The following CCDC178 variants were observed in gnomAD, a reference collection of about 807,000 sequenced individuals.
The protein encoded by CCDC178 is coiled-coil domain containing 178.
In CCDC178, 126 loss-of-function variants were observed where a neutral mutation model predicts 117.4. The ratio of observed to expected loss-of-function variants is 1.07; its 90% CI spans 0.93 to 1.24. The LOEUF is 1.24. CCDC178 is among the 50% of genes most tolerant of loss of function. The pLI, the probability that CCDC178 is intolerant of heterozygous loss-of-function variation, is 0.00. For synonymous variants in CCDC178, 283 were observed against 313.4 expected, an observed-to-expected ratio of 0.90 and a Z score of 1.02; for missense variants, 1,030 against 986.9, an observed-to-expected ratio of 1.04 and a Z score of -0.59.
intron 3 of CCDC178, among the ~76,000 whole-genome samples, chr18:33,399,124 C>T (rs1240223166): frequency 1.3e-5 from 2 of 152,022 alleles, no homozygotes; most frequent in South Asian, 2.1e-4. Flanking sequence ...TGCTTGAACC[C>T]GCAAGGCGGA....
intron 21 of CCDC178, among the ~76,000 whole-genome samples, chr18:32,988,609 A>G (rs892837929): frequency 1.4e-4 from 21 of 152,218 alleles, no homozygotes; most frequent in Non-Finnish European, 2.5e-4. Flanking sequence ...TTAAAAAAAT[A>G]TATAAAGAAC....
intron 20 of CCDC178, among the ~76,000 whole-genome samples, chr18:33,105,233 G>A (rs894239245): frequency 6.6e-6 from 1 of 151,594 alleles, no homozygotes; most frequent in African/African-American, 2.4e-5. Context: ...CACTAAGTCA[G>A]GCACAGTTAG....
chr18:33,120,159 A>G (rs1282348476), intron 20 of CCDC178, among the ~76,000 whole-genome samples: 1 of 151,958 alleles, frequency 6.6e-6, no homozygotes, highest in Non-Finnish European at 1.5e-5. Flanking sequence ...CGTTATGCAC[A>G]TGTACCCTAC....
intron 9 of CCDC178, among the ~76,000 whole-genome samples, chr18:33,341,550 A>C (rs993048326): frequency 6.6e-6 from 1 of 152,136 alleles, no homozygotes; most frequent in African/African-American, 2.4e-5. Context: ...GAATTCTGAC[A>C]TGTTGTGGGA....
chr18:33,155,846 A>G (rs2058387414), intron 20 of CCDC178, among the ~76,000 whole-genome samples: 1 of 152,094 alleles, frequency 6.6e-6, no homozygotes, highest in African/African-American at 2.4e-5. Context: ...AAAGTCCTAC[A>G]TTACTGGGGG....
At chr18:33,074,870 C>T (rs1029077611) in intron 21 of CCDC178, among the ~76,000 whole-genome samples, 1 of 152,060 alleles carries the variant, frequency 6.6e-6, no homozygotes, top group Non-Finnish European at 1.5e-5. Context: ...ATAAAGTGCT[C>T]CAGTAAACAT....
At chr18:33,182,556 G>A (rs1011733966) in intron 20 of CCDC178, among the ~76,000 whole-genome samples, 1 of 151,890 alleles carries the variant, frequency 6.6e-6, no homozygotes, top group Non-Finnish European at 1.5e-5. Flanking sequence ...GGTGCTGGGA[G>A]TTGAAATTTC....
intron 15 of CCDC178, among the ~76,000 whole-genome samples, chr18:33,230,928 T>C (rs1350362543): frequency 6.6e-6 from 1 of 152,216 alleles, no homozygotes; most frequent in Non-Finnish European, 1.5e-5. Flanking sequence ...CAATTCATTG[T>C]AAAGGGAACG....
At chr18:33,183,969 T>C (rs940287536) in intron 20 of CCDC178, among the ~76,000 whole-genome samples, 1 of 152,086 alleles carries the variant, frequency 6.6e-6, no homozygotes, top group Non-Finnish European at 1.5e-5. Flanking sequence ...AAAAGACTTA[T>C]CTGTTCTCTA....
intron 21 of CCDC178, among the ~76,000 whole-genome samples, chr18:33,091,734 T>A (rs547930930): frequency 6.6e-6 from 1 of 152,164 alleles, no homozygotes; most frequent in Non-Finnish European, 1.5e-5. Flanking sequence ...GGGAAGTACA[T>A]AGGGGGATGC....
At chr18:32,988,125 A>T (rs2055307114) in intron 21 of CCDC178, among the ~76,000 whole-genome samples, 1 of 147,774 alleles carries the variant, frequency 6.8e-6, no homozygotes, top group Non-Finnish European at 1.5e-5. Flanking sequence ...TAATAAATTT[A>T]TCAAAATTAA....
chr18:33,293,687 A>C (rs2062068068), intron 11 of CCDC178, among the ~76,000 whole-genome samples: 1 of 152,122 alleles, frequency 6.6e-6, no homozygotes, highest in African/African-American at 2.4e-5. Context: ...TAAATGAGTA[A>C]GTAAATAAAT....
At chr18:33,322,008 A>G (rs1400428804) in intron 11 of CCDC178, among the ~76,000 whole-genome samples, 1 of 151,984 alleles carries the variant, frequency 6.6e-6, no homozygotes, top group African/African-American at 2.4e-5. Flanking sequence ...TTAAGCAAAA[A>G]TGTTCCAAGA....
At chr18:33,316,233 G>GGC (rs2062413544) in intron 11 of CCDC178, among the ~76,000 whole-genome samples, 1 of 152,184 alleles carries the variant, frequency 6.6e-6, no homozygotes, top group Non-Finnish European at 1.5e-5. Flanking sequence ...TGGAGGGAGA[G>GGC]GCGCCGGCGG....
chr18:33,019,913 ATATTATTATTATTATTATTATTAT>A (rs35536059), intron 21 of CCDC178, among the ~76,000 whole-genome samples: 1 of 137,716 alleles, frequency 7.3e-6, no homozygotes, highest in Non-Finnish European at 1.5e-5. Flanking sequence ...CTTAACTGAG[ATATTATTATTATTATTATTATTAT>A]TATTATTATT....
intron 11 of CCDC178, among the ~76,000 whole-genome samples, chr18:33,319,068 T>C (rs2062463636): frequency 6.6e-6 from 1 of 152,118 alleles, no homozygotes; most frequent in African/African-American, 2.4e-5. Context: ...ATACTTTAAG[T>C]TCTAGGGTAC....
At chr18:33,255,883 A>G (rs1381890487) in intron 14 of CCDC178, among the ~76,000 whole-genome samples, 1 of 151,808 alleles carries the variant, frequency 6.6e-6, no homozygotes, top group African/African-American at 2.4e-5. Flanking sequence ...GAAGAACCTG[A>G]AGAATCAAGA....
intron 15 of CCDC178, among the ~76,000 whole-genome samples, chr18:33,229,114 C>T (rs2059341686): frequency 1.3e-5 from 2 of 152,126 alleles, no homozygotes; most frequent in South Asian, 2.1e-4. Context: ...TTGGAATCAA[C>T]TCCTGTGGAC....
chr18:33,021,889 T>G (rs565236466), intron 21 of CCDC178, among the ~76,000 whole-genome samples: 1 of 152,200 alleles, frequency 6.6e-6, no homozygotes, highest in African/African-American at 2.4e-5. Flanking sequence ...CTTTTCTCTC[T>G]CTCTCTCTGT....
Sources: gnomAD v4.1 joint callset for allele counts (sites outside exome capture counted in the v4.1 genomes callset) on GRCh38, gnomAD v4.1.1 for gene constraint, MANE v1.5 for transcripts, NCBI Gene and HGNC (gene_info 2026-07-23, HGNC 2026-07-21) for gene names.